EPSTI1: variants seen among roughly 807,000 people sequenced by gnomAD.
EPSTI1 encodes epithelial-stromal interaction protein 1.
In EPSTI1, 66 loss-of-function variants were observed where a neutral mutation model predicts 49.9. That is an observed-to-expected ratio of 1.32 (90% confidence interval 1.08 to 1.62). EPSTI1 has a LOEUF of 1.62. Ranked by LOEUF, EPSTI1 falls within the 40% of genes most tolerant of loss-of-function variation. The probability of loss-of-function intolerance (pLI) is 0.00; values close to 1 mark genes in which losing one functional copy is unlikely to be tolerated. For missense variants in EPSTI1, 394 were observed against 365.5 expected (o/e 1.08, Z -0.64); for synonymous variants, 137 against 130.7 (o/e 1.05, Z -0.33).
chr13:42,941,872 C>G (rs1029226064), intron 6 of EPSTI1, among the ~76,000 whole-genome samples: 3 of 151,924 alleles, frequency 2.0e-5, no homozygotes, highest in African/African-American at 7.3e-5. Flanking sequence ...TATGTCTATA[C>G]AATTATGCTT....
chr13:42,909,358 C>T (rs576066853), intron 8 of EPSTI1, among the ~76,000 whole-genome samples: 141 of 152,044 alleles, frequency 9.3e-4, no homozygotes, highest in African/African-American at 3.3e-3. Flanking sequence ...ATTAGTACAG[C>T]CATTATGAAA....
At chr13:42,956,079 C>T (rs1294863700) in intron 5 of EPSTI1, among the ~76,000 whole-genome samples, 2 of 152,062 alleles carry the variant, frequency 1.3e-5, no homozygotes, top group Non-Finnish European at 2.9e-5. Flanking sequence ...TGGCAGTATG[C>T]TAAACACATT....
chr13:42,918,163 GA>G (rs1390117999), intron 7 of EPSTI1, among the ~76,000 whole-genome samples: 1 of 152,142 alleles, frequency 6.6e-6, no homozygotes, highest in African/African-American at 2.4e-5. Context: ...TTCTACCTCT[GA>G]AAAGGAAAAC....
chr13:42,988,297 T>C (rs2153437010), intron 1 of EPSTI1, among the ~76,000 whole-genome samples: 1 of 152,352 alleles, frequency 6.6e-6, no homozygotes, highest in East Asian at 1.9e-4. Flanking sequence ...GATTAGAAGT[T>C]TGTGTAAGCT....
intron 8 of EPSTI1, among the ~76,000 whole-genome samples, chr13:42,916,003 AG>A (rs1455727718): frequency 6.6e-6 from 1 of 152,148 alleles, no homozygotes; most frequent in African/African-American, 2.4e-5. Flanking sequence ...AAAATCCACT[AG>A]AAGTTATTTA....
At chr13:42,891,499 T>G (rs1007655086) in intron 10 of EPSTI1, among the ~76,000 whole-genome samples, 2 of 152,234 alleles carry the variant, frequency 1.3e-5, no homozygotes, top group East Asian at 1.9e-4. Flanking sequence ...GGGTTTTTTT[T>G]GCCAAATAAT....
At chr13:42,965,633 C>T (rs1037987843) in intron 3 of EPSTI1, among the ~76,000 whole-genome samples, 3 of 151,726 alleles carry the variant, frequency 2.0e-5, no homozygotes, top group African/African-American at 7.3e-5. Context: ...GAAATCTTCA[C>T]ACCAGATGAG....
At chr13:42,919,281 A>C (rs1393753015) in intron 7 of EPSTI1, 1 of 1,613,008 alleles carries the variant, frequency 6.2e-7, no homozygotes, top group African/African-American at 1.3e-5. Flanking sequence ...AGTTACTTGC[A>C]ATCCTAATGT....
chr13:42,918,980 GAAGGA>G (rs2037916758), intron 7 of EPSTI1, among the ~76,000 whole-genome samples: 1 of 152,054 alleles, frequency 6.6e-6, no homozygotes, highest in Non-Finnish European at 1.5e-5. Context: ...GGACAGGAAG[GAAGGA>G]AAGGAGAGAA....
chr13:42,976,340 C>A lies in EPSTI1; in HGVS notation c.189-5670G>T, dbSNP rs373662674. On this transcript the variant is annotated intron_variant, in intron 1 of 10. Transcript: ENST00000313624. ...GAGCCTGGTCTTTGTCCTGGGAGAA[C>A]AAACCTTATCTCTCAAGGTTCCCAG... Among the ~76,000 whole-genome samples, 32 of 152,264 alleles carry A rather than the reference C, an allele frequency of 2.1e-4. 3 individuals are homozygous for A. The highest frequency in any genetic ancestry group is 1.6e-3 in the Admixed American group (25 of 15,296).
In EPSTI1 at chr13:42,887,022, G is replaced by A. The variant is rs2036884191; in HGVS notation, c.*1472C>T. 6.6e-6 allele frequency: 1 copy of A among 152,118 alleles called. No individual in the cohort carries two copies. Among genetic ancestry groups the A allele is most frequent in the Non-Finnish European group, 1.5e-5 (1 of 68,014 alleles). 9.4% of individuals were successfully genotyped at this position (152,118 alleles called of 1,614,324 possible). ...AAGGTAGCCAGGCTGGCAGGTGTAG[G>A]GCCGAAATGGCTGCACACCACCACA... is the stretch of plus-strand genomic sequence containing the variant. On this transcript the variant is annotated 3_prime_UTR_variant, in exon 11 of 11. Transcript: ENST00000313624.
At chr13:42,987,602 A>G (rs1168236393) in intron 1 of EPSTI1, among the ~76,000 whole-genome samples, 1 of 151,858 alleles carries the variant, frequency 6.6e-6, no homozygotes, top group Non-Finnish European at 1.5e-5. Flanking sequence ...CTCATCCACT[A>G]TGATTAGTGT....
At chr13:42,989,494 T>C (rs373105591) in intron 1 of EPSTI1, among the ~76,000 whole-genome samples, 2 of 147,706 alleles carry the variant, frequency 1.4e-5, no homozygotes, top group South Asian at 2.2e-4. Context: ...ACAAATCTTT[T>C]ACCATATAAA....
chr13:42,926,429 G>C lies in EPSTI1; in HGVS notation c.564C>G (p.Tyr188Ter), dbSNP rs115506182. ...GTTTGCTCAAGAACTCAGCGGTTTTGCTACCAGAAACACAAACAGGTGTTA... is the reference window on the plus strand; with the variant it reads ...GTTTGCTCAAGAACTCAGCGGTTTTCCTACCAGAAACACAAACAGGTGTTA... ...RREAFREHQQYKTAEFLSKLN... is the reference protein window; with the variant it reads ...RREAFREHQQ The change falls in exon 7 of 11, where the codon TAC becomes TAG. Residue 188 changes from tyrosine (Y) to a stop codon, truncating the protein, a stop_gained and splice_region_variant. Coordinates refer to ENST00000313624, the MANE Select transcript of EPSTI1 (RefSeq NM_033255.5). LOFTEE classifies it high-confidence loss of function. 4.2e-4 allele frequency: 673 copies of C among 1,604,132 alleles called. 5 individuals carry two copies. The African/African-American group carries it at 8.0e-3, about 19-fold the overall frequency.
At chr13:42,911,177 C>T (rs2153415898) in intron 8 of EPSTI1, among the ~76,000 whole-genome samples, 1 of 151,166 alleles carries the variant, frequency 6.6e-6, no homozygotes, top group African/African-American at 2.4e-5. Context: ...AATTTTCCTT[C>T]AGATGTTAAT....
intron 5 of EPSTI1, among the ~76,000 whole-genome samples, chr13:42,962,589 G>A (rs2039483942): frequency 6.7e-6 from 1 of 148,276 alleles, no homozygotes; most frequent in Non-Finnish European, 1.5e-5. Context: ...TGGCAACATG[G>A]TGAAACCCTC....
chr13:42,964,093 C>T lies in EPSTI1; in HGVS notation c.378G>A (p.Gln126=), dbSNP rs140737079. The stretch of plus-strand genomic sequence containing the variant: ...TTTGCTTGTATTTAGATTGCATCAG[C>T]TGGAGTTGTTGTTTCTGTCTGACTT... ...ETEVRQKQQL[Q]LMQSKYKQKL... Residue 126 remains glutamine (Q), a synonymous_variant, in exon 4 of 11, where the codon CAG becomes CAA. Transcript: ENST00000313624. The T allele has an allele frequency of 6.0e-5, 97 of 1,613,346 alleles. No homozygotes were observed. The highest frequency in any genetic ancestry group is 6.7e-5 in the Non-Finnish European group (79 of 1,179,708).
At chr13:42,965,496 T>A (rs978387639) in intron 3 of EPSTI1, among the ~76,000 whole-genome samples, 1 of 152,196 alleles carries the variant, frequency 6.6e-6, no homozygotes, top group Non-Finnish European at 1.5e-5. Context: ...AGGAGGTAAC[T>A]GAAACCTACC....
chr13:42,891,839 A>G (rs1386667836), intron 10 of EPSTI1, among the ~76,000 whole-genome samples: 1 of 152,216 alleles, frequency 6.6e-6, no homozygotes, highest in African/African-American at 2.4e-5. Flanking sequence ...ACATCACCAC[A>G]GGGAGAGGCG....
Sources: gnomAD v4.1 joint callset for allele counts (sites outside exome capture counted in the v4.1 genomes callset) on GRCh38, gnomAD v4.1.1 for gene constraint, MANE v1.5 for transcripts, NCBI Gene and HGNC (gene_info 2026-07-23, HGNC 2026-07-21) for gene names.